PIK3R4: variants seen among roughly 807,000 people sequenced by gnomAD.
PIK3R4 encodes the protein phosphoinositide 3-kinase regulatory subunit 4.
Under a neutral mutation model 136.5 loss-of-function variants are expected in PIK3R4, and 46 were observed. The ratio of observed to expected loss-of-function variants is 0.34; its 90% confidence interval spans 0.27 to 0.43. The LOEUF (loss-of-function observed/expected upper bound fraction) is 0.43. Among genes scored for constraint, PIK3R4 ranks in the 20% least tolerant of loss-of-function variants. The probability of loss-of-function intolerance (pLI) is 1.00; values close to 1 mark genes in which losing one functional copy is unlikely to be tolerated. For missense variants in PIK3R4, 1,331 were observed against 1,649.5 expected, an observed-to-expected ratio of 0.81 and a Z score of 3.35; for synonymous variants, 557 against 566.7, an observed-to-expected ratio of 0.98 and a Z score of 0.24.
At chr3:130,684,682 C>T (rs1422739685) in intron 15 of PIK3R4, among the ~76,000 whole-genome samples, 2 of 152,184 alleles carry the variant, frequency 1.3e-5, no homozygotes, top group African/African-American at 4.8e-5. Flanking sequence ...CCCACAAAAA[C>T]AGAAGCTATT....
intron 7 of PIK3R4, among the ~76,000 whole-genome samples, chr3:130,719,168 A>G (rs988612224): frequency 2.0e-5 from 3 of 152,200 alleles, no homozygotes; most frequent in Non-Finnish European, 4.4e-5. Flanking sequence ...ATAACATTAA[A>G]CCAGAAAATT....
At chr3:130,715,413 G>C (rs763426666) in intron 9 of PIK3R4, among the ~76,000 whole-genome samples, 6 of 151,830 alleles carry the variant, frequency 4.0e-5, no homozygotes, top group African/African-American at 1.5e-4. Context: ...CCTGAACCAC[G>C]GCACCCGGCC....
Position 130,690,789 on chromosome 3 carries a change from A to C in PIK3R4, c.3099-135T>G. The C allele has an allele frequency of 5.4e-6, 3 of 551,824 alleles. No homozygotes were observed. The South Asian group carries it at 8.6e-5, about 16-fold the overall frequency. The allele number at this position is 551,824 out of a possible 1,614,324, so 34.2% of individuals were successfully genotyped here. Reference sequence around the variant, plus strand: ...CCCTGATCTCAGGACAAAAACAAGAATTTCCTCTCAAAAGAACTGTTACAA... The same window carrying C: ...CCCTGATCTCAGGACAAAAACAAGACTTTCCTCTCAAAAGAACTGTTACAA... On this transcript the variant is annotated intron_variant, in intron 13 of 19. Transcript: ENST00000356763.
At chr3:130,720,888 C>A (rs2066696007) in intron 7 of PIK3R4, among the ~76,000 whole-genome samples, 1 of 152,032 alleles carries the variant, frequency 6.6e-6, no homozygotes, top group East Asian at 1.9e-4. Context: ...TAAATAAATA[C>A]TAGCCAGGCG....
At chr3:130,729,258 A>G (rs750996593) in intron 5 of PIK3R4, among the ~76,000 whole-genome samples, 4 of 152,138 alleles carry the variant, frequency 2.6e-5, no homozygotes, top group African/African-American at 4.8e-5. Context: ...TTTTTACTAA[A>G]ATGTAAGCTC....
At chr3:130,720,659 C>T (rs1336181862) in intron 7 of PIK3R4, among the ~76,000 whole-genome samples, 4 of 152,150 alleles carry the variant, frequency 2.6e-5, no homozygotes, top group Non-Finnish European at 5.9e-5. Flanking sequence ...TTTCAGTATT[C>T]ATCCTCTTGT....
At chr3:130,729,855 AG>A (rs919840828) in intron 5 of PIK3R4, among the ~76,000 whole-genome samples, 1 of 152,212 alleles carries the variant, frequency 6.6e-6, no homozygotes, top group Non-Finnish European at 1.5e-5. Flanking sequence ...ACCTAAGACA[AG>A]GACTTTGACA....
At chr3:130,740,182 C>T (rs1307228680) in intron 2 of PIK3R4, among the ~76,000 whole-genome samples, 1 of 151,734 alleles carries the variant, frequency 6.6e-6, no homozygotes, top group Non-Finnish European at 1.5e-5. Context: ...TGGGGGGAGG[C>T]ATTCTTCAAA....
chr3:130,733,697 C>T lies in PIK3R4; in HGVS notation c.1301G>A (p.Arg434Lys), dbSNP rs747705645. 2.5e-6 allele frequency: 4 copies of T among 1,614,030 alleles called. No individual in the cohort carries two copies. The highest frequency in any genetic ancestry group is 2.2e-5 in the South Asian group (2 of 91,082). ...GGTCAACGTCCTCAAGGCTTCAGCC[C>T]TCACCCTAGGAACAGAGTCATTGCT... ...HFSNDSVPRV[R>K]AEALRTLTKV... Residue 434 changes from arginine (R) to lysine (K), a missense_variant, in exon 4 of 20, where the codon AGG (arginine) becomes AAG (lysine). Arg to Lys is a conservative substitution (Grantham distance 26, BLOSUM62 2). Transcript: ENST00000356763.
intron 13 of PIK3R4, among the ~76,000 whole-genome samples, chr3:130,697,909 A>C (rs6778384): frequency 0.36 from 54,324 of 152,026 alleles, 12,762 homozygotes; most frequent in African/African-American, 0.66. Flanking sequence ...TCTTTTAGGG[A>C]AAATCTGCTG....
rs376564972 is a variant in PIK3R4 at position 130,728,415 on chromosome 3, G to A, written c.1807+48C>T. On this transcript the variant is annotated intron_variant, in intron 6 of 19. Transcript: ENST00000356763. ...TCCTTCAGATTGCATGGAAGTATTTGAGAGGATGATTAAAAATCTTAAAGG... is the reference window on the plus strand; with the variant it reads ...TCCTTCAGATTGCATGGAAGTATTTAAGAGGATGATTAAAAATCTTAAAGG... The A allele has an allele frequency of 7.7e-6, 9 of 1,168,268 alleles. No individual in the cohort carries two copies. The African/African-American group carries it at 1.4e-4, about 18-fold the overall frequency. The allele number at this position is 1,168,268 out of a possible 1,614,324, so 72.4% of individuals were successfully genotyped here.
intron 14 of PIK3R4, 80 bp from the exon 15 acceptor site, chr3:130,686,502 C>A: frequency 1.2e-6 from 1 of 834,642 alleles, no homozygotes; most frequent in South Asian, 1.5e-5. Flanking sequence ...ACTTTATATC[C>A]TATCCATAGT....
At chr3:130,712,356 C>T (rs1162128641) in intron 9 of PIK3R4, among the ~76,000 whole-genome samples, 2 of 152,034 alleles carry the variant, frequency 1.3e-5, no homozygotes, top group African/African-American at 2.4e-5. Flanking sequence ...TGGTCCTTCG[C>T]TCTGTAGCCC....
chr3:130,679,126 A>C lies in PIK3R4; in HGVS notation c.*189T>G. 1 of 357,662 alleles carries C rather than the reference A, an allele frequency of 2.8e-6. No individual in the cohort carries two copies. Among genetic ancestry groups the C allele is most frequent in the Non-Finnish European group, 5.0e-6 (1 of 200,534 alleles). 22.2% of individuals were successfully genotyped at this position (357,662 alleles called of 1,614,324 possible). ...TGTTGGCTGGCTGATTCTTGCAAAG[A>C]GATGCATAAGTAAACTAGTCAAGTA... is the stretch of plus-strand genomic sequence containing the variant. On this transcript the variant is annotated 3_prime_UTR_variant, in exon 20 of 20. Transcript: ENST00000356763.
intron 2 of PIK3R4, among the ~76,000 whole-genome samples, chr3:130,743,970 G>A (rs1419508607): frequency 3.3e-5 from 5 of 152,086 alleles, no homozygotes; most frequent in Admixed American, 3.3e-4. Context: ...ACTACTCTAC[G>A]AAAGTTAACT....
At position 130,679,456 on chromosome 3, in the gene PIK3R4, T is replaced by C. The variant is rs1036124027; in HGVS notation, c.3936A>G (p.Pro1312=). The C allele has an allele frequency of 6.2e-7, 1 of 1,612,064 alleles. No individual in the cohort carries two copies. Among genetic ancestry groups the C allele is most frequent in the African/African-American group, 1.3e-5 (1 of 74,882 alleles). Residue 1312 remains proline, a synonymous_variant, in exon 20 of 20, where the codon CCA becomes CCG. Coordinates refer to ENST00000356763, the MANE Select transcript of PIK3R4 (RefSeq NM_014602.3). ...GGCCCCTTCGAGGGGTGTCATCACTTGGTCCTACTTTCTGCTTATTCTGAA... is the reference window on the plus strand; with the variant it reads ...GGCCCCTTCGAGGGGTGTCATCACTCGGTCCTACTTTCTGCTTATTCTGAA... ...QEIQNKQKVG[P]SDDTPRRGPE... is the part of the protein sequence containing the mutation.
intron 9 of PIK3R4, among the ~76,000 whole-genome samples, chr3:130,712,518 A>C (rs971102198): frequency 1.3e-5 from 2 of 152,028 alleles, no homozygotes; most frequent in Non-Finnish European, 2.9e-5. Flanking sequence ...AAAATACAAA[A>C]GTAGCCAGGC....
At chr3:130,717,636 C>T (rs780191185) in intron 8 of PIK3R4, among the ~76,000 whole-genome samples, 124 of 152,114 alleles carry the variant, frequency 8.2e-4, no homozygotes, top group Non-Finnish European at 1.5e-3. Context: ...TTCCTAGTTT[C>T]CAGAGTTTAT....
intron 6 of PIK3R4, among the ~76,000 whole-genome samples, chr3:130,724,053 T>C (rs566601216): frequency 3.9e-5 from 6 of 152,004 alleles, no homozygotes; most frequent in Non-Finnish European, 5.9e-5. Context: ...ACCTAAGAAT[T>C]CAAGGGCAAA....
Sources: allele counts gnomAD v4.1 joint callset (sites outside exome capture counted in the v4.1 genomes callset), GRCh38; gene constraint gnomAD v4.1.1; transcripts MANE v1.5; gene names NCBI Gene and HGNC (gene_info 2026-07-23, HGNC 2026-07-21).